RMDN1: variants seen among roughly 807,000 people sequenced by gnomAD.
RMDN1 encodes the protein regulator of microtubule dynamics 1, also known as regulator of microtubule dynamics protein 1.
Under a neutral mutation model 48.9 loss-of-function variants are expected in RMDN1, and 48 were observed. The ratio of observed to expected loss-of-function variants is 0.98; its 90% CI spans 0.78 to 1.25. The LOEUF (loss-of-function observed/expected upper bound fraction) is 1.25. RMDN1 is among the 50% of genes most tolerant of loss of function. The probability of loss-of-function intolerance (pLI) is 0.00; values close to 1 mark genes in which losing one functional copy is unlikely to be tolerated. For missense variants in RMDN1, 418 were observed against 373.4 expected (o/e 1.12, Z -0.98); for synonymous variants, 148 against 132.6 (o/e 1.12, Z -0.80).
chr8:86,469,000 G>T (rs948499589), downstream of RMDN1, among the ~76,000 whole-genome samples: 1 of 152,058 alleles, frequency 6.6e-6, no homozygotes, highest in Non-Finnish European at 1.5e-5. Context: ...GGTTTATATT[G>T]CTACTTCATT....
chr8:86,468,626 G>C (rs1259157646), downstream of RMDN1: 1 of 451,768 alleles, frequency 2.2e-6, no homozygotes, highest in Non-Finnish European at 4.4e-6. Context: ...GACTGAAGAA[G>C]GCAGCTTTCC....
At chr8:86,494,340 G>C (rs1447645535) in intron 2 of RMDN1, among the ~76,000 whole-genome samples, 2 of 152,076 alleles carry the variant, frequency 1.3e-5, no homozygotes, top group African/African-American at 4.8e-5. Flanking sequence ...CAGATCACTT[G>C]AGGCAAGGAA....
At chr8:86,506,107 G>A (rs1220414406) in intron 2 of RMDN1, among the ~76,000 whole-genome samples, 2 of 152,128 alleles carry the variant, frequency 1.3e-5, no homozygotes, top group African/African-American at 4.8e-5. Context: ...CCTCCTTGTA[G>A]GAGACTCATT....
chr8:86,477,275 G>A lies in RMDN1; in HGVS notation c.760+19C>T. On this transcript the variant is annotated intron_variant, in intron 8 of 9. Transcript: ENST00000406452. ...TACAATTTTAACTATATTAATATGTGTAATCAAAAATACCTTACCTTGTTC... is the reference window on the plus strand; with the variant it reads ...TACAATTTTAACTATATTAATATGTATAATCAAAAATACCTTACCTTGTTC... 1 of 1,573,452 alleles carries A rather than the reference G, an allele frequency of 6.4e-7. No individual in the cohort carries two copies. The highest frequency in any genetic ancestry group is 8.7e-7 in the Non-Finnish European group (1 of 1,152,560).
chr8:86,511,151 GAGACACCGTCTTTAAAAAAAAA>G (rs1820028412), upstream of RMDN1, among the ~76,000 whole-genome samples: 2 of 150,854 alleles, frequency 1.3e-5, no homozygotes, highest in Middle Eastern at 3.7e-3. Context: ...GCAACAGAGT[GAGACACCGTCTTTAAAAAAAAA>G]AGAAAAGAAA....
chr8:86,474,765 A>C (rs1813086427), intron 9 of RMDN1, 55 bp downstream of exon 9: 1 of 1,514,498 alleles, frequency 6.6e-7, no homozygotes, highest in Non-Finnish European at 9.1e-7. Flanking sequence ...TTCTTAATTC[A>C]CCATTTAATA....
chr8:86,472,143 G>A (rs1381694701), downstream of RMDN1, among the ~76,000 whole-genome samples: 1 of 152,146 alleles, frequency 6.6e-6, no homozygotes, highest in East Asian at 1.9e-4. Flanking sequence ...CTATTATGAT[G>A]CTTGCAATCA....
At chr8:86,499,409 T>A (rs1172272649) in intron 2 of RMDN1, among the ~76,000 whole-genome samples, 1 of 152,112 alleles carries the variant, frequency 6.6e-6, no homozygotes, top group African/African-American at 2.4e-5. Context: ...TCAGTACATT[T>A]CTATACACCA....
At chr8:86,505,705 G>A (rs895857781) in intron 2 of RMDN1, among the ~76,000 whole-genome samples, 7 of 152,200 alleles carry the variant, frequency 4.6e-5, no homozygotes, top group African/African-American at 1.7e-4. Flanking sequence ...AGATTGGAGG[G>A]AGGTGTTTAA....
chr8:86,483,998 T>A (rs1815023708), intron 5 of RMDN1, among the ~76,000 whole-genome samples: 1 of 152,174 alleles, frequency 6.6e-6, no homozygotes, highest in Admixed American at 6.5e-5. Context: ...AATAGAATTA[T>A]TACTACAAGG....
chr8:86,499,644 T>G (rs1415601841), intron 2 of RMDN1, among the ~76,000 whole-genome samples: 1 of 152,024 alleles, frequency 6.6e-6, no homozygotes, highest in Non-Finnish European at 1.5e-5. Context: ...TATTTGTTAT[T>G]CCTGTCAAAC....
intron 5 of RMDN1, chr8:86,482,678 T>C (rs1220079281): frequency 6.7e-6 from 6 of 900,336 alleles, no homozygotes; most frequent in Non-Finnish European, 7.5e-6. Context: ...AAAGACTTTA[T>C]GGAGTTCATG....
chr8:86,479,743 T>A (rs1203421925), intron 6 of RMDN1, among the ~76,000 whole-genome samples: 1 of 152,160 alleles, frequency 6.6e-6, no homozygotes, highest in Non-Finnish European at 1.5e-5. Context: ...CAGTAAATAT[T>A]CAGCTCTGCA....
intron 6 of RMDN1, 103 bp downstream of exon 6, chr8:86,480,174 T>A (rs1012720274): frequency 3.4e-6 from 2 of 580,560 alleles, no homozygotes; most frequent in Non-Finnish European, 5.9e-6. Context: ...CAGATAATAT[T>A]TTAAAATATT....
At chr8:86,506,457 C>T (rs949980866) in intron 2 of RMDN1, among the ~76,000 whole-genome samples, 29 of 152,108 alleles carry the variant, frequency 1.9e-4, no homozygotes, top group Non-Finnish European at 3.7e-4. Flanking sequence ...TCAATCTTTC[C>T]AACAGACCAT....
intron 2 of RMDN1, among the ~76,000 whole-genome samples, chr8:86,497,989 G>A (rs922553770): frequency 3.9e-5 from 6 of 152,022 alleles, no homozygotes; most frequent in East Asian, 1.9e-4. Flanking sequence ...CCAGCTACTC[G>A]GGAGGCTGAG....
chr8:86,503,371 C>CAAAAAAAAAAAAAAAAA (rs1182231210), intron 2 of RMDN1, among the ~76,000 whole-genome samples: 7 of 68,016 alleles, frequency 1.0e-4, no homozygotes, highest in Non-Finnish European at 1.5e-4. Context: ...CAAAACAAAA[C>CAAAAAAAAAAAAAAAAA]AAAAAAAAAA....
At chr8:86,500,867 T>A (rs1054877958) in intron 2 of RMDN1, among the ~76,000 whole-genome samples, 3 of 152,134 alleles carry the variant, frequency 2.0e-5, no homozygotes, top group Non-Finnish European at 1.5e-5. Context: ...AAGCCATTTT[T>A]AAAAAAACCC....
At chr8:86,482,546 T>C (rs981643277) in intron 5 of RMDN1, 1 of 725,436 alleles carries the variant, frequency 1.4e-6, no homozygotes, top group East Asian at 2.6e-5. Flanking sequence ...GTGAATGTCA[T>C]CTTCTTGCCT....
Sources: gnomAD v4.1 joint callset for allele counts (sites outside exome capture counted in the v4.1 genomes callset) on GRCh38, gnomAD v4.1.1 for gene constraint, MANE v1.5 for transcripts, NCBI Gene and HGNC (gene_info 2026-07-23, HGNC 2026-07-21) for gene names.